Variants in ZZEF1 observed in about 807,000 individuals in gnomAD.
The protein encoded by ZZEF1 is zinc finger ZZ-type and EF-hand domain containing 1.
Under a neutral mutation model 342.8 loss-of-function variants are expected in ZZEF1, and 157 were observed. The observed-to-expected ratio is 0.46, with a 90% CI of 0.40 to 0.52. The LOEUF (loss-of-function observed/expected upper bound fraction) is 0.52. ZZEF1 is among the 20% of genes least tolerant of loss of function. The pLI is 0.00. For missense variants in ZZEF1, 3,480 were observed against 3,725.6 expected (o/e 0.93, Z 1.72); for synonymous variants, 1,505 against 1,429.1 (o/e 1.05, Z -1.20).
chr17:4,018,033 C>T (rs977920250), intron 46 of ZZEF1, 62 bp from the exon 47 acceptor site: 19 of 1,589,494 alleles, frequency 1.2e-5, no homozygotes, highest in Non-Finnish European at 1.5e-5. Flanking sequence ...TTAACCTGCA[C>T]TTAAACTTGT....
chr17:4,110,729 G>A (rs1216697160), intron 5 of ZZEF1, among the ~76,000 whole-genome samples: 1 of 36,062 alleles, frequency 2.8e-5, no homozygotes, highest in African/African-American at 1.1e-4. Flanking sequence ...TTTTTTTTTT[G>A]AGATGGAGTC....
In ZZEF1 at chr17:4,008,538, G is replaced by A. The variant is rs1157677054; in HGVS notation, c.8805+345C>T. On this transcript the variant is annotated intron_variant, in intron 54 of 54. Transcript: ENST00000381638. The surrounding 1 kb of genome is among the most constrained non-coding windows in gnomAD (Gnocchi z 4.2). ...CTGAGACCAAACAGCTGTCAGAAGA[G>A]GAGTTCCGCTACCAGAGAAGCAACT... The A allele has an allele frequency of 9.5e-7, 1 of 1,056,334 alleles. No homozygotes were observed. The highest frequency in any genetic ancestry group is 1.1e-6 in the Non-Finnish European group (1 of 874,772). The allele number at this position is 1,056,334 out of a possible 1,614,324, so 65.4% of individuals were successfully genotyped here. A position where few individuals can be genotyped will look rare whatever the true frequency, so the allele number is the denominator to read the frequency against.
intron 42 of ZZEF1, among the ~76,000 whole-genome samples, chr17:4,030,769 T>C (rs761558424): frequency 6.6e-6 from 1 of 152,218 alleles, no homozygotes; most frequent in Non-Finnish European, 1.5e-5. Context: ...TGATAGAAAC[T>C]CTTTTATAGA....
At chr17:4,142,117 C>A (rs2058863701) in intron 1 of ZZEF1, among the ~76,000 whole-genome samples, 1 of 152,190 alleles carries the variant, frequency 6.6e-6, no homozygotes, top group Non-Finnish European at 1.5e-5. Context: ...TACTGTCTTT[C>A]CACACTTATT....
intron 18 of ZZEF1, among the ~76,000 whole-genome samples, chr17:4,078,989 A>C (rs1209194180): frequency 6.6e-6 from 1 of 152,262 alleles, no homozygotes; most frequent in Non-Finnish European, 1.5e-5. Context: ...TCTAGCAAGG[A>C]GGTTTAATGA....
intron 1 of ZZEF1, among the ~76,000 whole-genome samples, chr17:4,130,998 G>A (rs7217919): frequency 0.17 from 26,084 of 152,034 alleles, 2,645 homozygotes; most frequent in African/African-American, 0.28. Context: ...ATTCTGGGGC[G>A]TGCCTTTTCT....
At position 4,034,199 on chromosome 17, in the gene ZZEF1, G is replaced by A. The variant is rs755414142; in HGVS notation, c.6400C>T (p.His2134Tyr). Reference protein sequence around the residue: ...SNAGHLNETYHLTLGLLGQLI... With the variant: ...SNAGHLNETYYLTLGLLGQLI... ...TGGCCGAGAAGACCCAGGGTGAGAT[G>A]GTAGGTTTCATTCAGGTGGCCTGCG... Residue 2134 changes from histidine to tyrosine, a missense_variant, in exon 40 of 55, where the codon CAT (histidine) becomes TAT (tyrosine). By Grantham distance (83) the His-to-Tyr change is moderately conservative. Transcript: ENST00000381638. 4.3e-6 allele frequency: 7 copies of A among 1,614,186 alleles called. No homozygotes were observed. Among genetic ancestry groups the A allele is most frequent in the South Asian group, 1.1e-5 (1 of 91,086 alleles).
chr17:4,007,147 C>T (rs1369574328), intron 54 of ZZEF1, among the ~76,000 whole-genome samples, 177 bp from the exon 55 acceptor site: 1 of 152,202 alleles, frequency 6.6e-6, no homozygotes, highest in Non-Finnish European at 1.5e-5. Flanking sequence ...ATTAAGAGCA[C>T]ATGAAAGCTC....
At chr17:4,021,826 G>A (rs2056278148) in intron 44 of ZZEF1, among the ~76,000 whole-genome samples, 1 of 152,124 alleles carries the variant, frequency 6.6e-6, no homozygotes, top group Admixed American at 6.5e-5. Context: ...TGCTCATGAT[G>A]CAGTCTAGAT....
intron 5 of ZZEF1, among the ~76,000 whole-genome samples, chr17:4,110,560 G>C (rs1460108045): frequency 1.3e-5 from 2 of 152,010 alleles, no homozygotes; most frequent in African/African-American, 4.8e-5. Flanking sequence ...AAAACATGAA[G>C]CATTCCGGCT....
At chr17:4,066,317 G>C in intron 28 of ZZEF1, 130 bp downstream of exon 28, 1 of 751,896 alleles carries the variant, frequency 1.3e-6, no homozygotes, top group South Asian at 1.7e-5. Context: ...ACTATATTTA[G>C]CATCTGTGTT....
Position 4,142,770 on chromosome 17 carries a change from T to A in ZZEF1, c.126A>T (p.Pro42=). ...GCAGCGCCGCGGCGGGTGGTAGCGC[T>A]GGAGCCGCGACGCCCGGGCCGGGGG... is the stretch of plus-strand genomic sequence containing the variant. ...GTTPGPGVAA[P]ALPPAAALLE... Residue 42 remains proline (P), a synonymous_variant, in exon 1 of 55, where the codon CCA becomes CCT. Coordinates refer to ENST00000381638, the MANE Select transcript of ZZEF1 (RefSeq NM_015113.4). 1.4e-6 allele frequency: 2 copies of A among 1,438,890 alleles called. No homozygotes were observed. The highest frequency in any genetic ancestry group is 9.0e-7 in the Non-Finnish European group (1 of 1,106,186). The allele number at this position is 1,438,890 out of a possible 1,614,324, so 89.1% of individuals were successfully genotyped here. A position where few individuals can be genotyped will look rare whatever the true frequency, so the allele number is the denominator to read the frequency against.
chr17:4,103,113 C>T (rs1172383179), intron 8 of ZZEF1, among the ~76,000 whole-genome samples: 1 of 152,122 alleles, frequency 6.6e-6, no homozygotes, highest in Non-Finnish European at 1.5e-5. Flanking sequence ...TTCTATCCAG[C>T]CATGGCTGCT....
At chr17:4,115,265 G>C (rs1300767098) in intron 3 of ZZEF1, among the ~76,000 whole-genome samples, 1 of 152,090 alleles carries the variant, frequency 6.6e-6, no homozygotes, top group Non-Finnish European at 1.5e-5. Flanking sequence ...GGCTTCAAGC[G>C]ATCTTCCCAC....
chr17:4,135,957 A>G (rs1240939174), intron 1 of ZZEF1, among the ~76,000 whole-genome samples: 2 of 149,694 alleles, frequency 1.3e-5, no homozygotes, highest in Non-Finnish European at 3.0e-5. Flanking sequence ...ACAATGCAAT[A>G]CTTTTTCTCA....
rs199772619 is a variant in ZZEF1 at position 4,109,823 on chromosome 17, G to A, written c.1107C>T (p.Cys369=). 7.4e-6 allele frequency: 12 copies of A among 1,614,152 alleles called. No individual in the cohort carries two copies. Among genetic ancestry groups the A allele is most frequent in the East Asian group, 4.5e-5 (2 of 44,882 alleles). Residue 369 remains cysteine (C), a synonymous_variant, in exon 6 of 55, where the codon TGC becomes TGT. Transcript: ENST00000381638. ...CCCTGAGACCATGAATTCTAGTGTC[G>A]CAGCCATCGCTAAGACAACGCTTTA... The part of the protein sequence containing the change: ...INIKRCLSDG[C]DTRIHGLRAV...
chr17:4,092,668 C>G (rs528544672), intron 11 of ZZEF1, among the ~76,000 whole-genome samples: 1 of 152,224 alleles, frequency 6.6e-6, no homozygotes, highest in African/African-American at 2.4e-5. Context: ...ACAGTTAACC[C>G]TAATGGGAAA....
At chr17:4,136,292 C>T (rs544117843) in intron 1 of ZZEF1, among the ~76,000 whole-genome samples, 5 of 148,542 alleles carry the variant, frequency 3.4e-5, no homozygotes, top group South Asian at 2.1e-4. Context: ...TGCAGTGAGC[C>T]GGTATTGTGC....
intron 8 of ZZEF1, among the ~76,000 whole-genome samples, chr17:4,103,567 T>C (rs796067417): frequency 6.6e-6 from 1 of 150,868 alleles, no homozygotes. Context: ...TAAATAAAAA[T>C]AAAAATAAAC....
Sources: allele counts gnomAD v4.1 joint callset (sites outside exome capture counted in the v4.1 genomes callset), GRCh38; gene constraint gnomAD v4.1.1; non-coding constraint Gnocchi (gnomAD v3.1); transcripts MANE v1.5; gene names NCBI Gene and HGNC (gene_info 2026-07-23, HGNC 2026-07-21).